Variants in NREP observed in about 807,000 individuals in gnomAD.
NREP encodes neuronal regeneration related protein.
NREP carries 5 observed loss-of-function variants against 8.6 expected under a neutral mutation model. The observed-to-expected ratio is 0.58, with a 90% CI of 0.30 to 1.22. NREP has a LOEUF of 1.22. Ranked by LOEUF, NREP falls within the 50% of genes most tolerant of loss-of-function variation. The probability of loss-of-function intolerance (pLI) is 0.07; values close to 1 mark genes in which losing one functional copy is unlikely to be tolerated. For missense variants in NREP, 86 were observed against 82.5 expected, an observed-to-expected ratio of 1.04 and a Z score of -0.17; for synonymous variants, 27 against 28.0, an observed-to-expected ratio of 0.96 and a Z score of 0.11.
intron 2 of NREP, among the ~76,000 whole-genome samples, chr5:111,949,148 C>A (rs1389437446): frequency 6.6e-6 from 1 of 152,062 alleles, no homozygotes; most frequent in Non-Finnish European, 1.5e-5. Flanking sequence ...AATAATAATC[C>A]TGCTGGCCAA....
intron 2 of NREP, among the ~76,000 whole-genome samples, chr5:111,815,501 T>C (rs1410908154): frequency 2.6e-5 from 4 of 152,086 alleles, no homozygotes; most frequent in Non-Finnish European, 5.9e-5. Context: ...TTTTTTTTTT[T>C]AGTTATCGTA....
chr5:111,736,206 A>C (rs1749097739), intron 2 of NREP, among the ~76,000 whole-genome samples: 1 of 152,182 alleles, frequency 6.6e-6, no homozygotes, highest in Admixed American at 6.5e-5. Flanking sequence ...ATGACAGGAG[A>C]GGGGAAAGGC....
intron 2 of NREP, among the ~76,000 whole-genome samples, chr5:111,765,286 G>A (rs1751054006): frequency 6.6e-6 from 1 of 152,156 alleles, no homozygotes; most frequent in Non-Finnish European, 1.5e-5. Flanking sequence ...CAGAGCTTAG[G>A]CAGTAATGCT....
intron 2 of NREP, among the ~76,000 whole-genome samples, chr5:111,855,996 G>A (rs780060275): frequency 1.3e-5 from 2 of 152,280 alleles, no homozygotes; most frequent in African/African-American, 2.4e-5. Context: ...CAGACCCTGG[G>A]TGGGCCAGCT....
At chr5:111,781,811 C>T (rs1349638263) in intron 2 of NREP, among the ~76,000 whole-genome samples, 1 of 152,052 alleles carries the variant, frequency 6.6e-6, no homozygotes, top group African/African-American at 2.4e-5. Context: ...AAGACAAAGG[C>T]TATCGGGGCC....
chr5:111,826,678 G>A lies in NREP; in HGVS notation c.136-91171C>T, dbSNP rs541795693. On this transcript the variant is annotated intron_variant, in intron 2 of 3. Coordinates refer to the NREP transcript ENST00000395634. Reference sequence around the variant, plus strand: ...CACACACCAGTAGCTGGGATTATAGGCACGTGCCAGCATACCTGGCTAATT... The same window carrying A: ...CACACACCAGTAGCTGGGATTATAGACACGTGCCAGCATACCTGGCTAATT... 4.6e-5 allele frequency among the ~76,000 whole-genome samples: 7 copies of A among 152,326 alleles called. No homozygotes were observed. The East Asian group carries it at 1.4e-3, about 29-fold the overall frequency.
chr5:111,854,204 A>G (rs1395518193), intron 2 of NREP, among the ~76,000 whole-genome samples: 1 of 152,196 alleles, frequency 6.6e-6, no homozygotes, highest in East Asian at 1.9e-4. Context: ...ATGAATTTGC[A>G]TGTGGGAGAA....
At chr5:111,869,644 A>C (rs999178227) in intron 2 of NREP, among the ~76,000 whole-genome samples, 1 of 152,178 alleles carries the variant, frequency 6.6e-6, no homozygotes, top group Non-Finnish European at 1.5e-5. Context: ...TGTGGAGAGA[A>C]AGAAAACGGA....
chr5:111,922,748 C>T (rs1282968663), intron 2 of NREP, among the ~76,000 whole-genome samples: 1 of 152,168 alleles, frequency 6.6e-6, no homozygotes, highest in Admixed American at 6.5e-5. Context: ...TGGAGGCTGG[C>T]AAATGGAGCT....
intron 2 of NREP, among the ~76,000 whole-genome samples, chr5:111,784,563 T>C (rs1300589752): frequency 1.3e-5 from 2 of 152,224 alleles, no homozygotes; most frequent in Non-Finnish European, 2.9e-5. Flanking sequence ...ACACTATTGA[T>C]AGTTTTTGAG....
chr5:111,881,980 G>C (rs1430455710), intron 2 of NREP, among the ~76,000 whole-genome samples: 1 of 152,220 alleles, frequency 6.6e-6, no homozygotes, highest in East Asian at 1.9e-4. Context: ...GCTGGACAGA[G>C]AATGACTTTG....
chr5:111,866,501 G>C (rs1379082929), intron 2 of NREP, among the ~76,000 whole-genome samples: 1 of 152,094 alleles, frequency 6.6e-6, no homozygotes, highest in Non-Finnish European at 1.5e-5. Flanking sequence ...GAAACAACAG[G>C]TGCTGGACAG....
At chr5:111,894,280 T>C (rs961864795) in intron 2 of NREP, among the ~76,000 whole-genome samples, 1 of 152,086 alleles carries the variant, frequency 6.6e-6, no homozygotes, top group African/African-American at 2.4e-5. Context: ...TGATTTATCT[T>C]AGTTCAAGTG....
At chr5:111,963,493 T>G (rs908570626) in intron 2 of NREP, among the ~76,000 whole-genome samples, 1 of 152,138 alleles carries the variant, frequency 6.6e-6, no homozygotes, top group Non-Finnish European at 1.5e-5. Flanking sequence ...ATAGAGCAAT[T>G]TGAGAACTGA....
chr5:111,751,830 T>C (rs1205548196), intron 2 of NREP, among the ~76,000 whole-genome samples: 1 of 152,178 alleles, frequency 6.6e-6, no homozygotes, highest in Non-Finnish European at 1.5e-5. Context: ...CAGATAATTA[T>C]TTCAACCCTC....
intron 2 of NREP, among the ~76,000 whole-genome samples, chr5:111,788,043 T>C (rs1392436666): frequency 2.6e-5 from 4 of 152,056 alleles, no homozygotes; most frequent in Non-Finnish European, 5.9e-5. Flanking sequence ...CTGTAAACCA[T>C]GATTGCCACT....
At chr5:111,740,440 T>C (rs933851644) in intron 2 of NREP, among the ~76,000 whole-genome samples, 12 of 152,156 alleles carry the variant, frequency 7.9e-5, no homozygotes, top group Admixed American at 7.9e-4. Context: ...AATAAAATAC[T>C]CAGGGTTTTG....
chr5:111,972,999 G>C (rs1273394623), intron 2 of NREP, among the ~76,000 whole-genome samples: 1 of 152,284 alleles, frequency 6.6e-6, no homozygotes, highest in East Asian at 1.9e-4. Flanking sequence ...CTGAGAGAAG[G>C]GTTGTGTGTA....
chr5:111,914,557 A>G (rs1561724688), intron 2 of NREP, among the ~76,000 whole-genome samples: 1 of 152,150 alleles, frequency 6.6e-6, no homozygotes, highest in Admixed American at 6.6e-5. Context: ...CGTTCCAGCC[A>G]GTGGAAACCG....
Sources: allele counts gnomAD v4.1 joint callset (sites outside exome capture counted in the v4.1 genomes callset), GRCh38; gene constraint gnomAD v4.1.1; transcripts MANE v1.5; gene names NCBI Gene and HGNC (gene_info 2026-07-23, HGNC 2026-07-21).